ITIH4: variants seen among roughly 807,000 people sequenced by gnomAD.
ITIH4 encodes the protein inter-alpha-trypsin inhibitor heavy chain 4, also known as inter-alpha-trypsin inhibitor heavy chain H4.
ITIH4 carries 79 observed loss-of-function variants against 111.8 expected under a neutral mutation model. The ratio of observed to expected loss-of-function variants is 0.71; its 90% CI spans 0.59 to 0.85. The LOEUF (loss-of-function observed/expected upper bound fraction) is 0.85, where lower values mean the gene tolerates loss of function less well. Ranked by LOEUF, ITIH4 falls within the 40% of genes least tolerant of loss-of-function variation. ITIH4 has a pLI of 0.00. For missense variants in ITIH4, 1,065 were observed against 1,195.8 expected (o/e 0.89, Z 1.61); for synonymous variants, 472 against 468.3 (o/e 1.01, Z -0.10).
At position 52,824,773 on chromosome 3, in the gene ITIH4, C is replaced by A. The variant is rs1021295022; in HGVS notation, c.876+69G>T. On this transcript the variant is annotated intron_variant, in intron 7 of 23. Transcript: ENST00000266041. The surrounding 1 kb of genome is among the most constrained non-coding windows in gnomAD (Gnocchi z 4.3). ...AAGGTGAAGCAAGGGGGTCTGCCTGCCGGACCACAGCTGATAGCGTGAAGG... is the reference window on the plus strand; with the variant it reads ...AAGGTGAAGCAAGGGGGTCTGCCTGACGGACCACAGCTGATAGCGTGAAGG... The A allele has an allele frequency of 2.3e-5, 31 of 1,370,654 alleles. No homozygotes were observed. The highest frequency in any genetic ancestry group is 2.9e-5 in the Non-Finnish European group (29 of 983,526). The allele number at this position is 1,370,654 out of a possible 1,614,324, so 84.9% of individuals were successfully genotyped here.
intron 13 of ITIH4, 100 bp downstream of exon 13, chr3:52,820,531 G>A (rs1700361884): frequency 2.8e-6 from 4 of 1,412,148 alleles, no homozygotes; most frequent in African/African-American, 2.9e-5. Context: ...GTCTGTTGGG[G>A]GCACGGTTGG....
At chr3:52,817,754 C>T (rs530376307) in intron 20 of ITIH4, among the ~76,000 whole-genome samples, 1 of 152,366 alleles carries the variant, frequency 6.6e-6, no homozygotes, top group Admixed American at 6.5e-5. Flanking sequence ...CCCTGTGTGA[C>T]CCCAGGCAGC....
In ITIH4 at chr3:52,826,918, G is replaced by A. The variant is rs1427261553; in HGVS notation, c.392C>T (p.Ser131Leu). Residue 131 changes from serine to leucine, a missense_variant, in exon 4 of 24, where the codon TCG (serine) becomes TTG (leucine). Transcript: ENST00000266041. ...TGRNMEQFQV[S>L]VSVAPNAKIT... ...CTTGGCATTGGGAGCCACACTGACC[G>A]ACACCTGGAACTGCTCCATGTTTCT... is the stretch of plus-strand genomic sequence containing the variant. 1.5e-5 allele frequency: 25 copies of A among 1,614,102 alleles called. No homozygotes were observed. The highest frequency in any genetic ancestry group is 2.2e-5 in the South Asian group (2 of 91,064).
chr3:52,820,461 G>A (rs1468074696), intron 13 of ITIH4, 144 bp from the exon 14 acceptor site: 7 of 1,153,446 alleles, frequency 6.1e-6, no homozygotes, highest in Non-Finnish European at 8.6e-6. Flanking sequence ...TGAATTTGGG[G>A]AGACAGGAGA....
intron 20 of ITIH4, 35 bp downstream of exon 20, chr3:52,818,016 GT>G (rs748473870): frequency 6.7e-7 from 1 of 1,503,038 alleles, no homozygotes; most frequent in South Asian, 1.1e-5. Flanking sequence ...GTGTGTGCCA[GT>G]GGTGTCTGGG....
intron 5 of ITIH4, 141 bp from the exon 6 acceptor site, chr3:52,826,155 TGA>T (rs1394044423): frequency 1.4e-5 from 17 of 1,213,884 alleles, no homozygotes; most frequent in Admixed American, 1.2e-4. Context: ...TCTTTCAGGC[TGA>T]GTTATTGATG....
At chr3:52,820,103 T>C in intron 14 of ITIH4, 113 bp from the exon 15 acceptor site, 1 of 1,313,294 alleles carries the variant, frequency 7.6e-7, no homozygotes, top group East Asian at 2.3e-5. Context: ...CAGCCAATAT[T>C]TGAATGCACA....
Position 52,826,908 on chromosome 3 carries a change from C to T in ITIH4, c.402G>A (p.Val134=). The T allele has an allele frequency of 6.2e-7, 1 of 1,614,120 alleles. No individual in the cohort carries two copies. The highest frequency in any genetic ancestry group is 8.5e-7 in the Non-Finnish European group (1 of 1,180,026). Reference sequence around the variant, plus strand: ...CAAAGGTGATCTTGGCATTGGGAGCCACACTGACCGACACCTGGAACTGCT... The same window carrying T: ...CAAAGGTGATCTTGGCATTGGGAGCTACACTGACCGACACCTGGAACTGCT... The part of the protein sequence containing the change: ...NMEQFQVSVS[V]APNAKITFEL... The change falls in exon 4 of 24, where the codon GTG becomes GTA. Residue 134 remains valine (V), a synonymous_variant. Coordinates refer to ENST00000266041, the MANE Select transcript of ITIH4 (RefSeq NM_002218.5).
intron 2 of ITIH4, 149 bp downstream of exon 2, chr3:52,828,970 T>C (rs1700525576): frequency 3.2e-6 from 2 of 634,794 alleles, no homozygotes; most frequent in African/African-American, 1.8e-5. Flanking sequence ...GGCAAGCCCC[T>C]GTTCCTGTGT....
rs774002283 is a variant in ITIH4 at position 52,823,626 on chromosome 3, T to TCTGAGCC, written c.1462_1468dup (p.Glu490GlyfsTer16). Reference sequence around the variant, plus strand: ...CTGGAGCTTCCCAGCCACCACCATCTCTGAGCCCTTGAAGAGGAGCCGGAA... The same window carrying TCTGAGCC: ...CTGGAGCTTCCCAGCCACCACCATCTCTGAGCCCTGAGCCCTTGAAGAGGAGCCGGAA... On this transcript the variant is annotated frameshift_variant, in exon 11 of 24. Coordinates refer to ENST00000266041, the MANE Select transcript of ITIH4 (RefSeq NM_002218.5). LOFTEE classifies it high-confidence loss of function. The TCTGAGCC allele has an allele frequency of 3.1e-6, 5 of 1,614,130 alleles. No individual in the cohort carries two copies. The African/African-American group carries it at 6.7e-5, about 22-fold the overall frequency.
intron 1 of ITIH4, 127 bp downstream of exon 1, chr3:52,830,426 A>C (rs770194349): frequency 6.5e-6 from 6 of 924,366 alleles, no homozygotes; most frequent in African/African-American, 4.9e-5. Flanking sequence ...GGTCTGCACC[A>C]TTTTTTTGCA....
intron 17 of ITIH4, chr3:52,819,058 G>C (rs558698418): frequency 6.0e-4 from 206 of 343,648 alleles, no homozygotes; most frequent in Admixed American, 1.5e-3. Flanking sequence ...GTGTGGGAGA[G>C]GCTGCTCTGT....
intron 15 of ITIH4, 30 bp from the exon 16 acceptor site, chr3:52,819,822 C>G: frequency 6.2e-7 from 1 of 1,613,730 alleles, no homozygotes; most frequent in Non-Finnish European, 8.5e-7. Flanking sequence ...TCAGATACAA[C>G]TGAACTGAGG....
At chr3:52,828,039 G>A (rs11709430) in intron 2 of ITIH4, among the ~76,000 whole-genome samples, 15,878 of 152,240 alleles carry the variant, frequency 0.1, 1,085 homozygotes, top group Non-Finnish European at 0.15. Context: ...GCCCGGGATG[G>A]GGCTGGTGAG....
intron 12 of ITIH4, 71 bp downstream of exon 12, chr3:52,820,920 C>T: frequency 1.3e-6 from 2 of 1,572,742 alleles, no homozygotes; most frequent in Admixed American, 1.7e-5. Context: ...TCTCTCCATG[C>T]TTAGGCGCTG....
At chr3:52,814,406 G>GAACC (rs1700243197) in intron 21 of ITIH4, 43 bp from the exon 22 acceptor site, 1 of 1,580,400 alleles carries the variant, frequency 6.3e-7, no homozygotes, top group African/African-American at 1.3e-5. Context: ...GTAGAGACGT[G>GAACC]TGCACAGAAC....
In ITIH4 at chr3:52,824,764, G is replaced by T. The variant is rs1169075316; in HGVS notation, c.876+78C>A. On this transcript the variant is annotated intron_variant, in intron 7 of 23. Transcript: ENST00000266041. The surrounding 1 kb of genome is among the most constrained non-coding windows in gnomAD (Gnocchi z 4.3). ...TGGTGCCGAAAGGTGAAGCAAGGGG[G>T]TCTGCCTGCCGGACCACAGCTGATA... The T allele has an allele frequency of 4.5e-6, 6 of 1,330,216 alleles. No individual in the cohort carries two copies. The highest frequency in any genetic ancestry group is 6.3e-6 in the Non-Finnish European group (6 of 949,152). 82.4% of individuals were successfully genotyped at this position (1,330,216 alleles called of 1,614,324 possible).
At chr3:52,822,105 A>T (rs571906954) in intron 11 of ITIH4, among the ~76,000 whole-genome samples, 1 of 152,342 alleles carries the variant, frequency 6.6e-6, no homozygotes, top group African/African-American at 2.4e-5. Context: ...GCACTTTGGG[A>T]GGCCAAGGTG....
At chr3:52,826,485 G>T in intron 5 of ITIH4, 56 bp downstream of exon 5, 1 of 1,320,182 alleles carries the variant, frequency 7.6e-7, no homozygotes, top group Non-Finnish European at 1.1e-6. Context: ...GGCTCATAGG[G>T]CTGGCCTGAA....
Sources: gnomAD v4.1 joint callset for allele counts (sites outside exome capture counted in the v4.1 genomes callset) on GRCh38, gnomAD v4.1.1 for gene constraint, Gnocchi (gnomAD v3.1) non-coding constraint, MANE v1.5 for transcripts, NCBI Gene and HGNC (gene_info 2026-07-23, HGNC 2026-07-21) for gene names.